Variants in RAPGEF3 observed in about 807,000 individuals in gnomAD.
The protein encoded by RAPGEF3 is 9330170P05Rik.
Under a neutral mutation model 129.8 loss-of-function variants are expected in RAPGEF3, and 103 were observed. That is an observed-to-expected ratio of 0.79 (90% CI 0.68 to 0.93). The LOEUF (loss-of-function observed/expected upper bound fraction) is 0.93. RAPGEF3 is among the 40% of genes least tolerant of loss of function. The probability of loss-of-function intolerance (pLI) is 0.00; values close to 1 mark genes in which losing one functional copy is unlikely to be tolerated. For synonymous variants in RAPGEF3, 436 were observed against 482.6 expected (o/e 0.90, Z 1.26); for missense variants, 1,117 against 1,207.4 (o/e 0.93, Z 1.11).
rs746087369 is a variant in RAPGEF3 at position 47,751,084 on chromosome 12, C to G, written c.635G>C (p.Gly212Ala). The change falls in exon 6 of 28, where the codon GGG becomes GCG. Residue 212 changes from glycine to alanine, a missense_variant. This residue lies in a region of RAPGEF3 where 367 missense variants were observed against 373.4 expected (regional missense o/e 0.98). Coordinates refer to ENST00000449771, the MANE Select transcript of RAPGEF3 (RefSeq NM_001098531.4). ...TGCCACAGTGAGCAGGGCGTCAGGC[C>G]CCCGCTGGGAGAGCAGGGCCACAGC... ...AEAVALLSQRGPDALLTVALR... is the reference protein window; with the variant it reads ...AEAVALLSQRAPDALLTVALR... 4 of 1,594,624 alleles carry G rather than the reference C, an allele frequency of 2.5e-6. No homozygotes were observed. The highest frequency in any genetic ancestry group is 3.4e-6 in the Non-Finnish European group (4 of 1,171,558).
At chr12:47,746,523 A>G in intron 16 of RAPGEF3, 2 of 640,516 alleles carry the variant, frequency 3.1e-6, no homozygotes, top group Non-Finnish European at 5.6e-6. Context: ...ACTGGCCACC[A>G]GGAGCCCCGT....
rs200527655 is a variant in RAPGEF3, at chr12:47,743,659, G to C, written c.1696C>G (p.Arg566Gly). ...VGDKVPYDIC[R>G]PDHSVLTLQL... ...AGGGTCAACACTGAGTGGTCTGGCC[G>C]GCAGATGTCATAGGGGACTGAAGAG... The change falls in exon 18 of 28, where the codon CGG becomes GGG. Residue 566 changes from arginine to glycine, a missense_variant. By Grantham distance (125) the Arg-to-Gly change is moderately radical. Coordinates refer to ENST00000449771, the MANE Select transcript of RAPGEF3 (RefSeq NM_001098531.4). The C allele has an allele frequency of 6.8e-6, 11 of 1,609,630 alleles. No homozygotes were observed. Among genetic ancestry groups the C allele is most frequent in the South Asian group, 1.1e-5 (1 of 90,966 alleles).
At chr12:47,737,744 C>G (rs1940867993) in intron 27 of RAPGEF3, 59 bp from the exon 28 acceptor site, 1 of 1,484,464 alleles carries the variant, frequency 6.7e-7, no homozygotes, top group Admixed American at 1.7e-5. Context: ...CCAACCTTTC[C>G]CCTCCAAGGA....
chr12:47,738,729 G>T lies in RAPGEF3; in HGVS notation c.2487C>A (p.Asn829Lys). 6.2e-7 allele frequency: 1 copy of T among 1,611,180 alleles called. No individual in the cohort carries two copies. Among genetic ancestry groups the T allele is most frequent in the Non-Finnish European group, 8.5e-7 (1 of 1,177,368 alleles). Residue 829 changes from asparagine to lysine, a missense_variant, in exon 25 of 28, where the codon AAC (asparagine) becomes AAA (lysine). Transcript: ENST00000449771. The part of the protein sequence containing the change: ...LKDMTFIHEG[N>K]HTLVENLINF... ...TGATGAGATTCTCCACTAGTGTGTGGTTTCCCTCATGAATGAAGGTCATGT... is the reference window on the plus strand; with the variant it reads ...TGATGAGATTCTCCACTAGTGTGTGTTTTCCCTCATGAATGAAGGTCATGT...
At chr12:47,755,613 G>T (rs908742941) in intron 2 of RAPGEF3, 2 of 152,082 alleles carry the variant, frequency 1.3e-5, no homozygotes, top group Admixed American at 1.3e-4. Context: ...TGTCACTTTT[G>T]CAATAGCTGT....
chr12:47,744,191 A>G, intron 16 of RAPGEF3, 123 bp from the exon 17 acceptor site: 1 of 776,542 alleles, frequency 1.3e-6, no homozygotes. Context: ...ACACCACCAG[A>G]GGGCTCTGCT....
Position 47,742,648 on chromosome 12 carries a change from C to T in RAPGEF3, c.1825+882G>A, listed in dbSNP as rs1012538667. Among the ~76,000 whole-genome samples, 7 of 152,186 alleles carry T rather than the reference C, an allele frequency of 4.6e-5. No individual in the cohort carries two copies. In the East Asian group the frequency reaches 9.6e-4, roughly 21 times the overall value. On this transcript the variant is annotated intron_variant, in intron 18 of 27. Transcript: ENST00000449771. ...CATGTTCTCAGCACTGACTGGCAGG[C>T]CCTGTGCTAAGTGCTTTACACACAT...
At chr12:47,748,664 A>T in intron 11 of RAPGEF3, 122 bp from the exon 12 acceptor site, 5 of 1,064,010 alleles carry the variant, frequency 4.7e-6, no homozygotes, top group Non-Finnish European at 7.1e-6. Flanking sequence ...ACCTTAGGGC[A>T]GGGAGGAGAC....
chr12:47,754,276 G>C lies in RAPGEF3; in HGVS notation c.220-2307C>G, dbSNP rs972497601. Among the ~76,000 whole-genome samples, 4 of 152,370 alleles carry C rather than the reference G, an allele frequency of 2.6e-5. No homozygotes were observed. The East Asian group carries it at 7.7e-4, about 29-fold the overall frequency. On this transcript the variant is annotated intron_variant, in intron 2 of 27. Transcript: ENST00000449771. The stretch of plus-strand genomic sequence containing the variant: ...CTTTGTGCTATAGGCACAGACAGTA[G>C]AGGTATTCTGCCTTCAGGCAAGTTC...
rs1940839101 is a variant in RAPGEF3, at chr12:47,737,366, T to C, written c.*201A>G. ...TTGGCCTTGGGTCATTCGTTATTCC[T>C]GGCTCGGGTCCACTCCGAGGTCCTC... On this transcript the variant is annotated 3_prime_UTR_variant, in exon 28 of 28. Transcript: ENST00000449771. The C allele has an allele frequency of 1.7e-6, 1 of 587,614 alleles. No individual in the cohort carries two copies. The highest frequency in any genetic ancestry group is 3.0e-5 in the Admixed American group (1 of 33,300). The allele number at this position is 587,614 out of a possible 1,614,324, so 36.4% of individuals were successfully genotyped here.
In RAPGEF3 at chr12:47,737,388, C is replaced by T; in HGVS notation, c.*179G>A. On this transcript the variant is annotated 3_prime_UTR_variant, in exon 28 of 28. Transcript: ENST00000449771. Reference sequence around the variant, plus strand: ...TCCTGGCTCGGGTCCACTCCGAGGTCCTCCTTAGCTGCCAGTCATCACAGG... The same window carrying T: ...TCCTGGCTCGGGTCCACTCCGAGGTTCTCCTTAGCTGCCAGTCATCACAGG... The T allele has an allele frequency of 1.6e-6, 1 of 611,850 alleles. No individual in the cohort carries two copies. The highest frequency in any genetic ancestry group is 2.8e-5 in the East Asian group (1 of 36,042). 37.9% of individuals were successfully genotyped at this position (611,850 alleles called of 1,614,324 possible).
intron 2 of RAPGEF3, among the ~76,000 whole-genome samples, chr12:47,756,774 T>G (rs1383501361): frequency 1.3e-5 from 2 of 151,894 alleles, no homozygotes; most frequent in Non-Finnish European, 1.5e-5. Flanking sequence ...ATCAAGACCA[T>G]CCTGGCCAAT....
chr12:47,740,842 A>C lies in RAPGEF3; in HGVS notation c.2050-19T>G. On this transcript the variant is annotated intron_variant, in intron 20 of 27. Coordinates refer to ENST00000449771, the MANE Select transcript of RAPGEF3 (RefSeq NM_001098531.4). ...GCTCCACCTGGGTGGGGTCAGCAGGAGAGGTCAGCGAGTGCTGAGCCGAGC... is the reference window on the plus strand; with the variant it reads ...GCTCCACCTGGGTGGGGTCAGCAGGCGAGGTCAGCGAGTGCTGAGCCGAGC... 1.2e-6 allele frequency: 2 copies of C among 1,613,644 alleles called. No individual in the cohort carries two copies. Among genetic ancestry groups the C allele is most frequent in the Non-Finnish European group, 1.7e-6 (2 of 1,179,876 alleles).
chr12:47,745,627 T>G (rs1043417249), intron 16 of RAPGEF3: 4 of 152,008 alleles, frequency 2.6e-5, no homozygotes, highest in African/African-American at 9.7e-5. Context: ...GAATCTGCAC[T>G]GGAGTTGGCT....
Position 47,737,609 on chromosome 12 carries a change from G to C in RAPGEF3, c.2730C>G (p.Asn910Lys), listed in dbSNP as rs141087098. 1.2e-6 allele frequency: 2 copies of C among 1,608,240 alleles called. No homozygotes were observed. Among genetic ancestry groups the C allele is most frequent in the South Asian group, 1.1e-5 (1 of 89,674 alleles). ...AYVQQLKVID[N>K]QRELSRLSRE... ...GGGAGAGGCGGGAGAGTTCCCGCTG[G>C]TTGTCAATGACCTTCAGCTGCTGGA... Residue 910 changes from asparagine (N) to lysine (K), a missense_variant, in exon 28 of 28, where the codon AAC (asparagine) becomes AAG (lysine). Coordinates refer to ENST00000449771, the MANE Select transcript of RAPGEF3 (RefSeq NM_001098531.4).
rs1303002730 is a variant in RAPGEF3, at chr12:47,751,382, C to T, written c.502+17G>A. ...CCCAGCCCAGCCCGGGGCACCCCACCCTGGGCTCGGGCTCACCATGGCAGA... is the reference window on the plus strand; with the variant it reads ...CCCAGCCCAGCCCGGGGCACCCCACTCTGGGCTCGGGCTCACCATGGCAGA... On this transcript the variant is annotated intron_variant, in intron 5 of 27. Coordinates refer to ENST00000449771, the MANE Select transcript of RAPGEF3 (RefSeq NM_001098531.4). The T allele has an allele frequency of 1.9e-6, 3 of 1,613,576 alleles. No individual in the cohort carries two copies. In the Admixed American group the frequency reaches 5.0e-5, roughly 27 times the overall value.
chr12:47,751,525 G>T lies in RAPGEF3; in HGVS notation c.381-5C>A. 1 of 1,614,212 alleles carries T rather than the reference G, an allele frequency of 6.2e-7. No individual in the cohort carries two copies. Among genetic ancestry groups the T allele is most frequent in the Non-Finnish European group, 8.5e-7 (1 of 1,180,028 alleles). ...TCCCGGCCAGAGCAGCACTGCCTATGGAAGGTAGAAGGGGACAGGCCAGTG... is the reference window on the plus strand; with the variant it reads ...TCCCGGCCAGAGCAGCACTGCCTATTGAAGGTAGAAGGGGACAGGCCAGTG... On this transcript the variant is annotated splice_region_variant and splice_polypyrimidine_tract_variant and intron_variant, in intron 4 of 27. Transcript: ENST00000449771.
At chr12:47,747,921 G>C in intron 13 of RAPGEF3, 59 bp from the exon 14 acceptor site, 1 of 1,594,730 alleles carries the variant, frequency 6.3e-7, no homozygotes, top group East Asian at 2.2e-5. Context: ...TGAGGCAAAG[G>C]AGGGGCAGGA....
In RAPGEF3 at chr12:47,751,763, T is replaced by C; in HGVS notation, c.340A>G (p.Asn114Asp). The C allele has an allele frequency of 6.2e-7, 1 of 1,613,872 alleles. No homozygotes were observed. The highest frequency in any genetic ancestry group is 8.5e-7 in the Non-Finnish European group (1 of 1,179,974). ...LHRHLLATCP[N>D]LIRDRKYHLR... is the part of the protein sequence containing the mutation. ...TGGTACTTCCGGTCTCGGATGAGGT[T>C]TGGGCAGGTGGCCAGCAGATGCCGA... The change falls in exon 4 of 28, where the codon AAC becomes GAC. Residue 114 changes from asparagine to aspartate, a missense_variant. Transcript: ENST00000449771.
Sources: gnomAD v4.1 joint callset for allele counts (sites outside exome capture counted in the v4.1 genomes callset) on GRCh38, gnomAD v4.1.1 for gene constraint, gnomAD v4.1.1 regional missense constraint, MANE v1.5 for transcripts, NCBI Gene and HGNC (gene_info 2026-07-23, HGNC 2026-07-21) for gene names.